Variants in CEP70 observed in about 807,000 individuals in gnomAD.
CEP70 encodes the protein centrosomal protein of 70 kDa.
In CEP70, 70 loss-of-function variants were observed where a neutral mutation model predicts 90.9. That is an observed-to-expected ratio of 0.77 (90% CI 0.64 to 0.94). CEP70 has a LOEUF of 0.94. Among genes scored for constraint, CEP70 ranks in the 40% least tolerant of loss-of-function variants. The pLI, the probability that CEP70 is intolerant of heterozygous loss-of-function variation, is 0.00. For missense variants in CEP70, 648 were observed against 669.0 expected (o/e 0.97, Z 0.35); for synonymous variants, 220 against 228.3 (o/e 0.96, Z 0.33).
chr3:138,579,235 C>T (rs35269190), intron 2 of CEP70, among the ~76,000 whole-genome samples: 10,811 of 152,120 alleles, frequency 0.071, 785 homozygotes, highest in East Asian at 0.38. Flanking sequence ...GCCTTGCCAA[C>T]GTGAGTTAAA....
chr3:138,530,657 C>T (rs2037732670), intron 8 of CEP70: 1 of 985,382 alleles, frequency 1.0e-6, no homozygotes, highest in Non-Finnish European at 1.2e-6. Flanking sequence ...AGCTCTTCTC[C>T]TCTGCTTCCT....
rs1461166938 is a variant in CEP70, at chr3:138,569,194, T to C, written c.465+1124A>G. Among the ~76,000 whole-genome samples the C allele has an allele frequency of 1.3e-5, 2 of 152,130 alleles. 1 individual carries two copies. The highest frequency in any genetic ancestry group is 4.8e-5 in the African/African-American group (2 of 41,422). ...TACTAGAGCCCCCTAGTATCTCTGA[T>C]TAATTCTCTCGGACTCCATGGAATT... On this transcript the variant is annotated intron_variant, in intron 6 of 17. Coordinates refer to ENST00000264982, the MANE Select transcript of CEP70 (RefSeq NM_024491.4).
chr3:138,567,724 G>T lies in CEP70; in HGVS notation c.465+2594C>A, dbSNP rs575255034. ...CCACTTCTCTGCAAATTTATTGGGG[G>T]TGGCTGTTGTTAAGATGCTATGGAA... On this transcript the variant is annotated intron_variant, in intron 6 of 17. Coordinates refer to ENST00000264982, the MANE Select transcript of CEP70 (RefSeq NM_024491.4). Among the ~76,000 whole-genome samples, 8 of 152,244 alleles carry T rather than the reference G, an allele frequency of 5.3e-5. No individual in the cohort carries two copies. The South Asian group carries it at 1.5e-3, about 28-fold the overall frequency.
At chr3:138,509,049 T>A (rs888404454) in intron 11 of CEP70, among the ~76,000 whole-genome samples, 3 of 152,184 alleles carry the variant, frequency 2.0e-5, no homozygotes, top group Non-Finnish European at 2.9e-5. Flanking sequence ...TAAAATTTTT[T>A]AAATCATATT....
At position 138,588,251 on chromosome 3, in the gene CEP70, A is replaced by T. The variant is rs1044684412; in HGVS notation, c.-6+3603T>A. 3.3e-5 allele frequency among the ~76,000 whole-genome samples: 5 copies of T among 152,344 alleles called. No individual in the cohort carries two copies. In the South Asian group the frequency reaches 1.0e-3, roughly 32 times the overall value. On this transcript the variant is annotated intron_variant, in intron 2 of 17. Coordinates refer to ENST00000264982, the MANE Select transcript of CEP70 (RefSeq NM_024491.4). ...ATTCAAGAACAAATGGGGCTTCATAAAAATAATGTCTGCTCTTTAAAATAT... is the reference window on the plus strand; with the variant it reads ...ATTCAAGAACAAATGGGGCTTCATATAAATAATGTCTGCTCTTTAAAATAT...
chr3:138,570,921 T>G, intron 5 of CEP70, 113 bp downstream of exon 5: 1 of 875,072 alleles, frequency 1.1e-6, no homozygotes, highest in Non-Finnish European at 1.6e-6. Flanking sequence ...CAAAAATATT[T>G]TTTAGTTTAA....
At chr3:138,522,397 A>G (rs961206489) in intron 11 of CEP70, among the ~76,000 whole-genome samples, 32 of 152,092 alleles carry the variant, frequency 2.1e-4, no homozygotes, top group African/African-American at 7.5e-4. Flanking sequence ...GGAAATAGAG[A>G]CACAAAAAAC....
At position 138,498,155 on chromosome 3, in the gene CEP70, T is replaced by C. The variant is rs2034118102; in HGVS notation, c.1653-45A>G. 3 of 1,408,074 alleles carry C rather than the reference T, an allele frequency of 2.1e-6. No individual in the cohort carries two copies. In the East Asian group the frequency reaches 6.9e-5, roughly 32 times the overall value. 87.2% of individuals were successfully genotyped at this position (1,408,074 alleles called of 1,614,324 possible). A position where few individuals can be genotyped will look rare whatever the true frequency, so the allele number is the denominator to read the frequency against. ...TTTAAACCTGATTTCTAACTTTGGG[T>C]TCTTGCATCTGATTGCAAACAGAAC... On this transcript the variant is annotated intron_variant, in intron 16 of 17. Coordinates refer to ENST00000264982, the MANE Select transcript of CEP70 (RefSeq NM_024491.4).
At chr3:138,594,174 CTG>C (rs1246050862) in intron 1 of CEP70, 22 bp downstream of exon 1, 1 of 152,470 alleles carries the variant, frequency 6.6e-6, no homozygotes, top group Non-Finnish European at 1.5e-5. Flanking sequence ...GCCGACGCCT[CTG>C]AGAGCCCCGA....
intron 2 of CEP70, among the ~76,000 whole-genome samples, chr3:138,582,827 T>C (rs567464281): frequency 6.6e-6 from 1 of 152,144 alleles, no homozygotes; most frequent in Admixed American, 6.5e-5. Context: ...TCAAGCCTCA[T>C]GGTGACCTTA....
At chr3:138,536,688 C>A (rs555221968) in intron 7 of CEP70, among the ~76,000 whole-genome samples, 4 of 151,058 alleles carry the variant, frequency 2.6e-5, no homozygotes, top group African/African-American at 9.7e-5. Context: ...GGAAAGACAA[C>A]AGTTACAAAT....
intron 6 of CEP70, among the ~76,000 whole-genome samples, chr3:138,541,783 A>G (rs1298372889): frequency 6.6e-6 from 1 of 152,228 alleles, no homozygotes; most frequent in African/African-American, 2.4e-5. Context: ...GCACTTTGGG[A>G]GGCAGAGGCA....
At chr3:138,588,320 TAGTC>T (rs1560469875) in intron 2 of CEP70, among the ~76,000 whole-genome samples, 2 of 151,822 alleles carry the variant, frequency 1.3e-5, no homozygotes, top group East Asian at 1.9e-4. Flanking sequence ...TCAGAGAAAA[TAGTC>T]AGGAATCAGA....
At chr3:138,522,053 T>C (rs2036708211) in intron 11 of CEP70, among the ~76,000 whole-genome samples, 1 of 152,188 alleles carries the variant, frequency 6.6e-6, no homozygotes, top group South Asian at 2.1e-4. Context: ...CGGTGCAAGA[T>C]GTGCTTTGTT....
intron 6 of CEP70, among the ~76,000 whole-genome samples, chr3:138,548,911 T>C (rs573104690): frequency 6.6e-6 from 1 of 152,228 alleles, no homozygotes; most frequent in South Asian, 2.1e-4. Flanking sequence ...AAAGGAGAGA[T>C]TGTCCACCCC....
chr3:138,593,877 C>T (rs962686760), intron 1 of CEP70: 1 of 152,226 alleles, frequency 6.6e-6, no homozygotes, highest in Non-Finnish European at 1.5e-5. Context: ...CTAAGCTTTA[C>T]TCTTACTGCC....
chr3:138,500,305 C>T (rs940971849), intron 15 of CEP70, 81 bp from the exon 16 acceptor site: 10 of 1,500,648 alleles, frequency 6.7e-6, no homozygotes, highest in Non-Finnish European at 9.1e-6. Context: ...TTCAGTTATC[C>T]TCAATTTTTC....
intron 6 of CEP70, among the ~76,000 whole-genome samples, chr3:138,566,819 A>T (rs946280008): frequency 4.7e-5 from 7 of 147,388 alleles, no homozygotes; most frequent in South Asian, 4.3e-4. Context: ...ATATATATAT[A>T]AAAAAAAAAC....
chr3:138,517,833 G>A (rs749149318), intron 11 of CEP70, among the ~76,000 whole-genome samples: 74 of 152,198 alleles, frequency 4.9e-4, no homozygotes, highest in Non-Finnish European at 7.8e-4. Context: ...CGGAAAGTGG[G>A]TGCAGGACAG....
Sources: gnomAD v4.1 joint callset for allele counts (sites outside exome capture counted in the v4.1 genomes callset) on GRCh38, gnomAD v4.1.1 for gene constraint, MANE v1.5 for transcripts, NCBI Gene and HGNC (gene_info 2026-07-23, HGNC 2026-07-21) for gene names.